CCDC122: variants seen among roughly 807,000 people sequenced by gnomAD.
CCDC122 encodes the protein coiled-coil domain-containing protein 122.
A neutral mutation model predicts 37.0 loss-of-function variants in CCDC122; 38 were observed. That is an observed-to-expected ratio of 1.03 (90% CI 0.79 to 1.35). CCDC122 has a LOEUF of 1.35. CCDC122 is among the 40% of genes most tolerant of loss of function. The pLI is 0.00. For synonymous variants in CCDC122, 83 were observed against 95.6 expected (o/e 0.87, Z 0.77); for missense variants, 305 against 310.0 (o/e 0.98, Z 0.12).
At chr13:43,872,667 CCTAT>C (rs1287306139) in intron 2 of CCDC122, among the ~76,000 whole-genome samples, 2 of 152,112 alleles carry the variant, frequency 1.3e-5, no homozygotes, top group Admixed American at 6.6e-5. Flanking sequence ...TGTTCTTGCT[CCTAT>C]CTAAGGCCAA....
At chr13:43,845,304 C>T (rs1460062078) in intron 6 of CCDC122, among the ~76,000 whole-genome samples, 1 of 152,154 alleles carries the variant, frequency 6.6e-6, no homozygotes, top group African/African-American at 2.4e-5. Context: ...TCCATTATTG[C>T]TTTGATTTTA....
chr13:43,841,260 A>G lies in CCDC122; in HGVS notation c.673-3831T>C, dbSNP rs184374616. 2.0e-5 allele frequency among the ~76,000 whole-genome samples: 3 copies of G among 152,324 alleles called. No individual in the cohort carries two copies. The East Asian group carries it at 5.8e-4, about 29-fold the overall frequency. ...TTTTCTTGAGTAAACACCTAGGTGGAGAATTGTTTGGACATACAGCAGGTA... is the reference window on the plus strand; with the variant it reads ...TTTTCTTGAGTAAACACCTAGGTGGGGAATTGTTTGGACATACAGCAGGTA... On this transcript the variant is annotated intron_variant, in intron 6 of 6. Transcript: ENST00000444614.
downstream of CCDC122, among the ~76,000 whole-genome samples, chr13:43,835,617 T>C (rs78610373): frequency 2.9e-4 from 44 of 152,314 alleles, no homozygotes; most frequent in East Asian, 8.5e-3. Context: ...ATTACAGCTA[T>C]TTTCTTCATA....
intron 4 of CCDC122, 54 bp from the exon 5 acceptor site, chr13:43,860,124 G>A (rs1954058805): frequency 2.1e-6 from 2 of 942,654 alleles, no homozygotes; most frequent in Non-Finnish European, 2.9e-6. Context: ...AACATGAGAG[G>A]AAAATCAATG....
At chr13:43,861,316 C>A (rs551354831) in intron 4 of CCDC122, among the ~76,000 whole-genome samples, 17 of 152,206 alleles carry the variant, frequency 1.1e-4, no homozygotes, top group African/African-American at 3.9e-4. Flanking sequence ...ATAATCAAAC[C>A]CAGAGTCAAG....
downstream of CCDC122, among the ~76,000 whole-genome samples, chr13:43,832,573 G>C (rs531037156): frequency 6.6e-6 from 1 of 152,044 alleles, no homozygotes; most frequent in Admixed American, 6.6e-5. Flanking sequence ...CTCATGAACT[G>C]TTACCTATGC....
At chr13:43,878,225 T>A (rs1307763825) in intron 1 of CCDC122, 1 of 152,112 alleles carries the variant, frequency 6.6e-6, no homozygotes, top group African/African-American at 2.4e-5. Flanking sequence ...ATTAAGCTGG[T>A]GCAAAAGTAA....
At chr13:43,853,352 C>T (rs555074544) in intron 6 of CCDC122, among the ~76,000 whole-genome samples, 1 of 151,992 alleles carries the variant, frequency 6.6e-6, no homozygotes, top group Admixed American at 6.6e-5. Context: ...TGGTTTCACA[C>T]AAAACAGACT....
intron 4 of CCDC122, among the ~76,000 whole-genome samples, chr13:43,862,569 A>C (rs995535654): frequency 3.3e-5 from 5 of 152,190 alleles, no homozygotes; most frequent in African/African-American, 9.7e-5. Context: ...CCCTGACTAG[A>C]AAGTAAGCTC....
At chr13:43,850,789 T>C (rs1478064210) in intron 6 of CCDC122, among the ~76,000 whole-genome samples, 3 of 152,032 alleles carry the variant, frequency 2.0e-5, no homozygotes, top group African/African-American at 7.2e-5. Flanking sequence ...AATCCTAAAT[T>C]TGGCAAAAGA....
intron 3 of CCDC122, among the ~76,000 whole-genome samples, chr13:43,827,027 T>TTAGCTA (rs1235411536): frequency 6.6e-6 from 1 of 152,174 alleles, no homozygotes; most frequent in Non-Finnish European, 1.5e-5. Context: ...TCCCACTTGG[T>TTAGCTA]TAGCTATATT....
In CCDC122 at chr13:43,859,928, A is replaced by C; in HGVS notation, c.299T>G (p.Leu100Ter). Residue 100 changes from leucine to a stop codon, truncating the protein, a stop_gained, in exon 5 of 7, where the codon TTA becomes TGA. Transcript: ENST00000444614. LOFTEE classifies it high-confidence loss of function. ...TTTAAGCTTTACATTTTCTGAATGTAAGGATTTGATTTGAGTTTCCAGGCT... is the reference window on the plus strand; with the variant it reads ...TTTAAGCTTTACATTTTCTGAATGTCAGGATTTGATTTGAGTTTCCAGGCT... ...CDSLETQIKS[L>*]HSENVKLKFD... is the part of the protein sequence containing the mutation. 6.2e-7 allele frequency: 1 copy of C among 1,610,604 alleles called. No homozygotes were observed. Among genetic ancestry groups the C allele is most frequent in the African/African-American group, 1.3e-5 (1 of 74,950 alleles).
chr13:43,839,796 GTTA>G (rs1308575387), intron 6 of CCDC122, among the ~76,000 whole-genome samples: 1 of 152,160 alleles, frequency 6.6e-6, no homozygotes, highest in Non-Finnish European at 1.5e-5. Flanking sequence ...CATGGCCACT[GTTA>G]AAAGAAAAAC....
chr13:43,822,627 G>C (rs1953002602), downstream of CCDC122, among the ~76,000 whole-genome samples: 1 of 152,184 alleles, frequency 6.6e-6, no homozygotes, highest in Admixed American at 6.5e-5. Flanking sequence ...CTATTCTACT[G>C]TGGCTAAGCT....
chr13:43,823,551 C>G (rs1338193928), downstream of CCDC122, among the ~76,000 whole-genome samples: 2 of 152,230 alleles, frequency 1.3e-5, no homozygotes, highest in African/African-American at 4.8e-5. Flanking sequence ...CTAGATTACT[C>G]TTCAAGTTTA....
In CCDC122 at chr13:43,836,712, C is replaced by CA. The variant is rs1953172233; in HGVS notation, c.*567_*568insT. On this transcript the variant is annotated 3_prime_UTR_variant, in exon 7 of 7. Transcript: ENST00000444614. ...AAAAATACAAAAAATTAGCCGGGCGCGGTGGCGGGCGCCTGTGGTCCCAGC... is the reference window on the plus strand; with the variant it reads ...AAAAATACAAAAAATTAGCCGGGCGCAGGTGGCGGGCGCCTGTGGTCCCAGC... The CA allele has an allele frequency of 6.6e-6, 1 of 150,942 alleles. No homozygotes were observed. Among genetic ancestry groups the CA allele is most frequent in the Non-Finnish European group, 1.5e-5 (1 of 67,704 alleles). 9.4% of individuals were successfully genotyped at this position (150,942 alleles called of 1,614,324 possible).
chr13:43,840,398 C>CT (rs1187484376), intron 6 of CCDC122, among the ~76,000 whole-genome samples: 2 of 149,872 alleles, frequency 1.3e-5, no homozygotes, highest in African/African-American at 2.4e-5. Context: ...TTTTACTATA[C>CT]TTTAAGTTTT....
intron 5 of CCDC122, among the ~76,000 whole-genome samples, chr13:43,859,177 T>G (rs992547239): frequency 6.6e-6 from 1 of 152,170 alleles, no homozygotes; most frequent in Non-Finnish European, 1.5e-5. Flanking sequence ...AAGACACTTT[T>G]TAATTCTCTA....
chr13:43,843,304 TGAAG>T (rs1953418507), intron 6 of CCDC122, among the ~76,000 whole-genome samples: 1 of 152,044 alleles, frequency 6.6e-6, no homozygotes, highest in Non-Finnish European at 1.5e-5. Flanking sequence ...TCTGAAACTA[TGAAG>T]TTGGTTATAT....
Sources: gnomAD v4.1 joint callset for allele counts (sites outside exome capture counted in the v4.1 genomes callset) on GRCh38, gnomAD v4.1.1 for gene constraint, MANE v1.5 for transcripts, NCBI Gene and HGNC (gene_info 2026-07-23, HGNC 2026-07-21) for gene names.